CASP10: variants seen among roughly 807,000 people sequenced by gnomAD.
The protein encoded by CASP10 is caspase 10.
CASP10 carries 41 observed loss-of-function variants against 48.5 expected under a neutral mutation model. That is an observed-to-expected ratio of 0.85 (90% CI 0.66 to 1.10). CASP10 has a LOEUF of 1.10. Among genes scored for constraint, CASP10 ranks in the 50% least tolerant of loss-of-function variants. The pLI is 0.00. For synonymous variants in CASP10, 232 were observed against 238.4 expected (o/e 0.97, Z 0.25); for missense variants, 614 against 614.5 (o/e 1.00, Z 0.01).
chr2:201,219,088 G>A lies in CASP10; in HGVS notation c.*1347G>A. The A allele has an allele frequency of 8.0e-6, 5 of 625,612 alleles. No individual in the cohort carries two copies. Among genetic ancestry groups the A allele is most frequent in the African/African-American group, 2.0e-5 (1 of 50,324 alleles). 38.8% of individuals were successfully genotyped at this position (625,612 alleles called of 1,614,324 possible). A position where few individuals can be genotyped will look rare whatever the true frequency, so the allele number is the denominator to read the frequency against. On this transcript the variant is annotated 3_prime_UTR_variant, in exon 10 of 10. Coordinates refer to ENST00000286186, the MANE Select transcript of CASP10 (RefSeq NM_032977.4). ...AGTTCGAGACCAGCCTGGCCAATAC[G>A]GCAAAACCTCATCATTACTAAAAAC...
intron 9 of CASP10, chr2:201,212,894 CA>C (rs1331042137): frequency 1.3e-5 from 2 of 152,212 alleles, no homozygotes; most frequent in East Asian, 3.9e-4. Context: ...TATTCAATAT[CA>C]GTTTGAGATG....
At chr2:201,187,264 G>T (rs966107990) in intron 2 of CASP10, among the ~76,000 whole-genome samples, 8 of 152,116 alleles carry the variant, frequency 5.3e-5, no homozygotes, top group Admixed American at 4.6e-4. Flanking sequence ...GTTTCTGGTT[G>T]TGGATTATAT....
intron 4 of CASP10, among the ~76,000 whole-genome samples, chr2:201,195,042 G>A (rs1170285852): frequency 6.6e-6 from 1 of 151,852 alleles, no homozygotes; most frequent in African/African-American, 2.4e-5. Flanking sequence ...CTCCCAAAGT[G>A]CTGGGATTAC....
In CASP10 at chr2:201,219,429, AT is replaced by A. The variant is rs1049159505; in HGVS notation, c.*1689del. The A allele has an allele frequency of 4.1e-6, 4 of 985,324 alleles. No individual in the cohort carries two copies. In the African/African-American group the frequency reaches 7.0e-5, roughly 17 times the overall value. 61.0% of individuals were successfully genotyped at this position (985,324 alleles called of 1,614,324 possible). On this transcript the variant is annotated 3_prime_UTR_variant, in exon 10 of 10. Coordinates refer to ENST00000286186, the MANE Select transcript of CASP10 (RefSeq NM_032977.4). Reference sequence around the variant, plus strand: ...CAGGCAAAGCTTGAATCAGGACTCAATCTACAGGCCAGCACCTTTCTCTTGG... The same window carrying A: ...CAGGCAAAGCTTGAATCAGGACTCAACTACAGGCCAGCACCTTTCTCTTGG...
chr2:201,210,948 CTGT>C (rs1194053371), intron 9 of CASP10, among the ~76,000 whole-genome samples: 2 of 152,066 alleles, frequency 1.3e-5, no homozygotes, highest in Non-Finnish European at 2.9e-5. Context: ...CCAGAAATTT[CTGT>C]TATTTTTAAT....
chr2:201,185,951 C>A lies in CASP10; in HGVS notation c.174C>A (p.Ala58=), dbSNP rs114625983. 1.1e-5 allele frequency: 17 copies of A among 1,614,052 alleles called. No homozygotes were observed. The African/African-American group carries it at 1.9e-4, about 18-fold the overall frequency. Residue 58 remains alanine, a synonymous_variant, in exon 2 of 10, where the codon GCC becomes GCA. Transcript: ENST00000286186. ...AGAAGCTGGAGAAGTCCAGCTCAGC[C>A]TCAGATGTTTTTGAACATCTCTTGG... ...PNKKLEKSSS[A]SDVFEHLLAE...
chr2:201,220,745 T>C lies in CASP10; in HGVS notation c.*3004T>C. 1.0e-6 allele frequency: 1 copy of C among 985,406 alleles called. No homozygotes were observed. The highest frequency in any genetic ancestry group is 1.2e-6 in the Non-Finnish European group (1 of 829,862). 61.0% of individuals were successfully genotyped at this position (985,406 alleles called of 1,614,324 possible). A position where few individuals can be genotyped will look rare whatever the true frequency, so the allele number is the denominator to read the frequency against. On this transcript the variant is annotated 3_prime_UTR_variant, in exon 10 of 10. Coordinates refer to ENST00000286186, the MANE Select transcript of CASP10 (RefSeq NM_032977.4). ...CCTCTTTCTTTAATTCTTACACATG[T>C]GTCAGGATGATCTCCCAAAACCGTG...
At chr2:201,186,170 G>A in intron 2 of CASP10, 46 bp downstream of exon 2, 1 of 1,399,036 alleles carries the variant, frequency 7.1e-7, no homozygotes, top group Non-Finnish European at 1.0e-6. Context: ...CCCATCTAGT[G>A]TTCATTCTGG....
intron 9 of CASP10, among the ~76,000 whole-genome samples, chr2:201,210,496 T>G (rs1321454671): frequency 6.6e-6 from 1 of 152,256 alleles, no homozygotes; most frequent in African/African-American, 2.4e-5. Flanking sequence ...ACATTCAGCA[T>G]GCATGTTTCT....
At chr2:201,215,213 T>G in intron 9 of CASP10, among the ~76,000 whole-genome samples, 1 of 4,854 alleles carries the variant, frequency 2.1e-4, no homozygotes, top group Non-Finnish European at 6.4e-4. Flanking sequence ...TTCCCTCGGT[T>G]TTTTTTTTTT....
At chr2:201,202,082 C>A (rs940237927) in intron 5 of CASP10, among the ~76,000 whole-genome samples, 1 of 152,002 alleles carries the variant, frequency 6.6e-6, no homozygotes. Flanking sequence ...GAACTCCTGA[C>A]CTCAGGTGAT....
chr2:201,196,339 A>G (rs982588364), intron 5 of CASP10, among the ~76,000 whole-genome samples: 1 of 152,226 alleles, frequency 6.6e-6, no homozygotes, highest in Non-Finnish European at 1.5e-5. Context: ...GTTCAAGTAC[A>G]GAGCTTTTGT....
At chr2:201,227,857 C>T (rs1354382214) in intron 9 of CASP10, among the ~76,000 whole-genome samples, 1 of 152,068 alleles carries the variant, frequency 6.6e-6, no homozygotes, top group Non-Finnish European at 1.5e-5. Context: ...CCGCGCCCGG[C>T]CCCCAAACCG....
At chr2:201,228,039 A>C (rs1263094893) in intron 9 of CASP10, among the ~76,000 whole-genome samples, 3 of 152,114 alleles carry the variant, frequency 2.0e-5, no homozygotes, top group African/African-American at 4.8e-5. Context: ...AAGAACCTTC[A>C]AAAAGGTCTT....
intron 4 of CASP10, among the ~76,000 whole-genome samples, chr2:201,195,464 T>C (rs190608397): frequency 2.7e-4 from 41 of 152,290 alleles, no homozygotes; most frequent in African/African-American, 9.6e-4. Flanking sequence ...TCAATCATTA[T>C]TGATATTTTA....
intron 9 of CASP10, among the ~76,000 whole-genome samples, chr2:201,215,330 C>T (rs1202118055): frequency 6.7e-6 from 1 of 150,358 alleles, no homozygotes; most frequent in Non-Finnish European, 1.5e-5. Flanking sequence ...AAAATCCTTG[C>T]CCAACCCAAT....
chr2:201,211,331 G>A (rs1945386663), intron 9 of CASP10, among the ~76,000 whole-genome samples: 1 of 152,148 alleles, frequency 6.6e-6, no homozygotes, highest in Non-Finnish European at 1.5e-5. Context: ...AACACCAGAG[G>A]TTATTTCTCC....
intron 2 of CASP10, among the ~76,000 whole-genome samples, chr2:201,187,225 G>C (rs1470401985): frequency 1.3e-5 from 2 of 152,124 alleles, no homozygotes; most frequent in African/African-American, 4.8e-5. Context: ...GACACATAGG[G>C]GTGTTAGTAT....
At chr2:201,187,595 A>C in intron 2 of CASP10, 111 bp from the exon 3 acceptor site, 1 of 837,522 alleles carries the variant, frequency 1.2e-6, no homozygotes, top group Non-Finnish European at 2.1e-6. Flanking sequence ...AATTGTCTAC[A>C]CATAGAGTTG....
Sources: allele counts gnomAD v4.1 joint callset (sites outside exome capture counted in the v4.1 genomes callset), GRCh38; gene constraint gnomAD v4.1.1; transcripts MANE v1.5; gene names NCBI Gene and HGNC (gene_info 2026-07-23, HGNC 2026-07-21).